The following MINK1 variants were observed in gnomAD, a reference collection of about 807,000 sequenced individuals.
MINK1 encodes the protein misshapen like kinase 1, also known as misshapen-like kinase 1.
A neutral mutation model predicts 178.4 loss-of-function variants in MINK1; 46 were observed. That is an observed-to-expected ratio of 0.26 (90% CI 0.20 to 0.33). The LOEUF is 0.33. MINK1 is among the 10% of genes least tolerant of loss of function. The pLI is 1.00. For synonymous variants in MINK1, 797 were observed against 709.7 expected, an observed-to-expected ratio of 1.12 and a Z score of -1.96; for missense variants, 1,366 against 1,814.9, an observed-to-expected ratio of 0.75 and a Z score of 4.49.
intron 1 of MINK1, among the ~76,000 whole-genome samples, chr17:4,871,483 G>GCA (rs1246257892): frequency 2.0e-4 from 30 of 151,948 alleles, no homozygotes; most frequent in Admixed American, 1.7e-3. Flanking sequence ...AAGTGCTGGG[G>GCA]TTATAGACAT....
chr17:4,846,908 A>G (rs1911126074), intron 1 of MINK1, among the ~76,000 whole-genome samples: 1 of 152,156 alleles, frequency 6.6e-6, no homozygotes, highest in South Asian at 2.1e-4. Flanking sequence ...TCCCATACTC[A>G]TGCCTCATGA....
At position 4,893,015 on chromosome 17, in the gene MINK1, C is replaced by T; in HGVS notation, c.2348C>T (p.Pro783Leu). The T allele has an allele frequency of 6.3e-7, 1 of 1,580,622 alleles. No homozygotes were observed. The highest frequency in any genetic ancestry group is 8.6e-7 in the Non-Finnish European group (1 of 1,164,846). Residue 783 changes from proline (P) to leucine (L), a missense_variant, in exon 20 of 32, where the codon CCT becomes CTT. Pro to Leu is a moderately conservative substitution (Grantham distance 98). This residue lies in a region of MINK1 where 709 missense variants were observed against 692.3 expected (regional missense o/e 1.02). Coordinates refer to ENST00000355280, the MANE Select transcript of MINK1 (RefSeq NM_153827.5). ...SKPDSSPVLS[P>L]GNKAKPDDHR... ...CCGGACAGCTCCCCTGTGCTCTCCCCTGGGAATAAAGCCAAGCCCGACGAC... is the reference window on the plus strand; with the variant it reads ...CCGGACAGCTCCCCTGTGCTCTCCCTTGGGAATAAAGCCAAGCCCGACGAC...
chr17:4,863,989 A>G (rs1018896738), intron 1 of MINK1, among the ~76,000 whole-genome samples: 1 of 151,438 alleles, frequency 6.6e-6, no homozygotes, highest in Admixed American at 6.6e-5. Context: ...GGGTTTCACC[A>G]TGTTGGTCAG....
chr17:4,880,927 C>T (rs1345981101), intron 2 of MINK1, 57 bp from the exon 3 acceptor site: 1 of 1,427,334 alleles, frequency 7.0e-7, no homozygotes, highest in East Asian at 2.5e-5. Context: ...CTCCTAGAGT[C>T]AAGCCCTCTC....
chr17:4,867,661 AT>A (rs1415944168), intron 1 of MINK1, among the ~76,000 whole-genome samples: 1 of 151,920 alleles, frequency 6.6e-6, no homozygotes, highest in Non-Finnish European at 1.5e-5. Context: ...TTAGCCAGGT[AT>A]GGTGGTCACA....
At chr17:4,847,130 C>G (rs1363077284) in intron 1 of MINK1, 1 of 466,084 alleles carries the variant, frequency 2.1e-6, no homozygotes, top group Non-Finnish European at 4.3e-6. Flanking sequence ...GGGAGGCCTG[C>G]TAACACAACG....
chr17:4,846,481 A>G (rs1244854267), intron 1 of MINK1, among the ~76,000 whole-genome samples: 1 of 152,130 alleles, frequency 6.6e-6, no homozygotes, highest in African/African-American at 2.4e-5. Context: ...CCTTGGACTG[A>G]GTCTCAGTCT....
At chr17:4,858,126 T>C (rs920009519) in intron 1 of MINK1, among the ~76,000 whole-genome samples, 1 of 152,098 alleles carries the variant, frequency 6.6e-6, no homozygotes, top group African/African-American at 2.4e-5. Flanking sequence ...AACACTTAGA[T>C]TGTTGGTGTT....
chr17:4,860,253 A>ATT (rs763908353), intron 1 of MINK1, among the ~76,000 whole-genome samples: 11 of 151,994 alleles, frequency 7.2e-5, no homozygotes, highest in Non-Finnish European at 1.0e-4. Flanking sequence ...TCAGTCGTCC[A>ATT]CCTCTTTCAT....
Position 4,895,011 on chromosome 17 carries a change from G to A in MINK1, c.2918-64G>A, listed in dbSNP as rs1969304398. ...GTGCCAAGACCTGATATAGGGGATGGAGGTAAAAAGAGATGGGGTGAGAAG... is the reference window on the plus strand; with the variant it reads ...GTGCCAAGACCTGATATAGGGGATGAAGGTAAAAAGAGATGGGGTGAGAAG... On this transcript the variant is annotated intron_variant, in intron 24 of 31. Transcript: ENST00000355280. The surrounding 1 kb of genome is among the most constrained non-coding windows in gnomAD (Gnocchi z 4.3). The A allele has an allele frequency of 3.9e-6, 6 of 1,552,366 alleles. No individual in the cohort carries two copies. In the Admixed American group the frequency reaches 5.2e-5, roughly 14 times the overall value.
chr17:4,897,502 TC>T lies in MINK1; in HGVS notation c.*219del, dbSNP rs1488786563. 1 of 531,750 alleles carries T rather than the reference TC, an allele frequency of 1.9e-6. No individual in the cohort carries two copies. Among genetic ancestry groups the T allele is most frequent in the Non-Finnish European group, 3.4e-6 (1 of 298,350 alleles). 32.9% of individuals were successfully genotyped at this position (531,750 alleles called of 1,614,324 possible). ...TGTCCTCTTCCCAAAACTGTGCCTG[TC>T]CCCAGCTTCTGGGGAGGGACACAGC... On this transcript the variant is annotated 3_prime_UTR_variant, in exon 32 of 32. Transcript: ENST00000355280.
chr17:4,872,763 G>C (rs1325225525), intron 1 of MINK1, among the ~76,000 whole-genome samples: 1 of 152,112 alleles, frequency 6.6e-6, no homozygotes, highest in East Asian at 1.9e-4. Context: ...CAGAGACTCT[G>C]TCTCAGAAAC....
intron 1 of MINK1, chr17:4,851,007 C>A: frequency 2.2e-6 from 1 of 458,978 alleles, no homozygotes; most frequent in East Asian, 6.9e-5. Context: ...GTCAGCCTGC[C>A]TCCGAGGCCA....
chr17:4,895,217 C>G lies in MINK1; in HGVS notation c.3060C>G (p.Ser1020=), dbSNP rs114096686. The change falls in exon 25 of 32, where the codon TCC becomes TCG. Residue 1020 remains serine, a synonymous_variant. Coordinates refer to ENST00000355280, the MANE Select transcript of MINK1 (RefSeq NM_153827.5). The surrounding 1 kb of genome is among the most constrained non-coding windows in gnomAD (Gnocchi z 4.3). ...EIRKYKKRFN[S]EILCAALWGV... is the part of the protein sequence containing the mutation. ...GGAAGTACAAGAAGCGATTCAACTC[C>G]GAGATCCTCTGTGCAGCCCTTTGGG... is the stretch of plus-strand genomic sequence containing the variant. 1 of 1,614,148 alleles carries G rather than the reference C, an allele frequency of 6.2e-7. No homozygotes were observed. Among genetic ancestry groups the G allele is most frequent in the Non-Finnish European group, 8.5e-7 (1 of 1,180,010 alleles).
rs373975517 is a variant in MINK1, at chr17:4,896,413, C to T, written c.3616-16C>T. The T allele has an allele frequency of 6.2e-7, 1 of 1,613,220 alleles. No homozygotes were observed. Among genetic ancestry groups the T allele is most frequent in the Non-Finnish European group, 8.5e-7 (1 of 1,179,512 alleles). On this transcript the variant is annotated splice_polypyrimidine_tract_variant and intron_variant, in intron 29 of 31. Coordinates refer to ENST00000355280, the MANE Select transcript of MINK1 (RefSeq NM_153827.5). The surrounding 1 kb of genome is among the most constrained non-coding windows in gnomAD (Gnocchi z 4.6). ...GCACCAGACACGGAGACTCTAGTCCCCCTCCTTCTCCCCAGATCCAGAGCC... is the reference window on the plus strand; with the variant it reads ...GCACCAGACACGGAGACTCTAGTCCTCCTCCTTCTCCCCAGATCCAGAGCC...
chr17:4,887,278 G>T lies in MINK1; in HGVS notation c.1019+99G>T. ...GGGGACTCTCAGCCTGGGGGTGGTG[G>T]GCACAGAGAGGTAGAGACTCCTGGA... is the stretch of plus-strand genomic sequence containing the variant. On this transcript the variant is annotated intron_variant, in intron 11 of 31. Coordinates refer to ENST00000355280, the MANE Select transcript of MINK1 (RefSeq NM_153827.5). The surrounding 1 kb of genome is among the most constrained non-coding windows in gnomAD (Gnocchi z 7.6). 1 of 1,259,788 alleles carries T rather than the reference G, an allele frequency of 7.9e-7. No homozygotes were observed. Among genetic ancestry groups the T allele is most frequent in the South Asian group, 1.3e-5 (1 of 76,874 alleles). The allele number at this position is 1,259,788 out of a possible 1,614,324, so 78.0% of individuals were successfully genotyped here. A position where few individuals can be genotyped will look rare whatever the true frequency, so the allele number is the denominator to read the frequency against.
rs1597523379 is a variant in MINK1, at chr17:4,883,852, C to A, written c.307-511C>A. 2.0e-5 allele frequency among the ~76,000 whole-genome samples: 3 copies of A among 151,428 alleles called. No individual in the cohort carries two copies. In the South Asian group the frequency reaches 6.3e-4, roughly 32 times the overall value. On this transcript the variant is annotated intron_variant, in intron 4 of 31. Coordinates refer to ENST00000355280, the MANE Select transcript of MINK1 (RefSeq NM_153827.5). ...CGCGCCCAGCCATAAAGCAGTAGTT[C>A]TTAACCGCTGTAGGGTTTGGAATCC...
chr17:4,895,001 A>G lies in MINK1; in HGVS notation c.2918-74A>G. ...GTATTATGAGGTGCCAAGACCTGAT[A>G]TAGGGGATGGAGGTAAAAAGAGATG... is the stretch of plus-strand genomic sequence containing the variant. On this transcript the variant is annotated intron_variant, in intron 24 of 31. Transcript: ENST00000355280. The surrounding 1 kb of genome is among the most constrained non-coding windows in gnomAD (Gnocchi z 4.3). 2.0e-6 allele frequency: 3 copies of G among 1,505,256 alleles called. No homozygotes were observed. Among genetic ancestry groups the G allele is most frequent in the Non-Finnish European group, 2.7e-6 (3 of 1,099,220 alleles). The allele number at this position is 1,505,256 out of a possible 1,614,324, so 93.2% of individuals were successfully genotyped here.
In MINK1 at chr17:4,891,707, C is replaced by G; in HGVS notation, c.1992C>G (p.Ala664=). The stretch of plus-strand genomic sequence containing the variant: ...CCTGGGTCCGCCCAGATAACGAGGC[C>G]CCACCCAAGGTAAGGACAGTTCTGC... ...PPAWVRPDNE[A]PPKVPQRTSS... Residue 664 remains alanine, a synonymous_variant, in exon 16 of 32, where the codon GCC becomes GCG. Transcript: ENST00000355280. The G allele has an allele frequency of 6.2e-7, 1 of 1,602,586 alleles. No individual in the cohort carries two copies. The highest frequency in any genetic ancestry group is 1.7e-5 in the Admixed American group (1 of 58,060).
Sources: gnomAD v4.1 joint callset for allele counts (sites outside exome capture counted in the v4.1 genomes callset) on GRCh38, gnomAD v4.1.1 for gene constraint, gnomAD v4.1.1 regional missense constraint, Gnocchi (gnomAD v3.1) non-coding constraint, MANE v1.5 for transcripts, NCBI Gene and HGNC (gene_info 2026-07-23, HGNC 2026-07-21) for gene names.